MMP16: variants seen among roughly 807,000 people sequenced by gnomAD.
MMP16 encodes matrix metallopeptidase 16, also known as matrix metalloproteinase-16.
Under a neutral mutation model 67.8 loss-of-function variants are expected in MMP16, and 12 were observed. The ratio of observed to expected loss-of-function variants is 0.18; its 90% confidence interval spans 0.11 to 0.29. The LOEUF (loss-of-function observed/expected upper bound fraction) is 0.29. MMP16 is among the 10% of genes least tolerant of loss of function. MMP16 has a pLI of 1.00. For missense variants in MMP16, 475 were observed against 765.7 expected (o/e 0.62, Z 4.48); for synonymous variants, 249 against 255.9 (o/e 0.97, Z 0.26).
chr8:88,311,087 A>G (rs1811287350), intron 1 of MMP16, among the ~76,000 whole-genome samples: 1 of 152,188 alleles, frequency 6.6e-6, no homozygotes, highest in Non-Finnish European at 1.5e-5. Flanking sequence ...AATAAGAATA[A>G]GTTATTATAA....
At chr8:88,216,289 G>A (rs1036051551) in intron 1 of MMP16, among the ~76,000 whole-genome samples, 1 of 152,096 alleles carries the variant, frequency 6.6e-6, no homozygotes, top group Non-Finnish European at 1.5e-5. Flanking sequence ...TCATAAACTT[G>A]TAAAAATTGG....
intron 7 of MMP16, among the ~76,000 whole-genome samples, chr8:88,057,275 G>C (rs1264561606): frequency 6.6e-6 from 1 of 152,038 alleles, no homozygotes; most frequent in Admixed American, 6.6e-5. Context: ...CTAGGACTCT[G>C]TTCTCTGCTC....
chr8:88,275,603 C>T (rs1797664151), intron 1 of MMP16, among the ~76,000 whole-genome samples: 1 of 151,810 alleles, frequency 6.6e-6, no homozygotes, highest in African/African-American at 2.4e-5. Flanking sequence ...TGCATACCTA[C>T]ATTATAAATA....
At chr8:88,264,376 A>T (rs896314395) in intron 1 of MMP16, among the ~76,000 whole-genome samples, 4 of 151,980 alleles carry the variant, frequency 2.6e-5, no homozygotes, top group African/African-American at 9.7e-5. Context: ...ATTTTTAAAA[A>T]TTTTTTTAGA....
intron 1 of MMP16, among the ~76,000 whole-genome samples, chr8:88,264,834 C>A (rs1031013072): frequency 6.6e-6 from 1 of 152,198 alleles, no homozygotes; most frequent in African/African-American, 2.4e-5. Flanking sequence ...AACAATATGG[C>A]ATATCTCAAA....
At chr8:88,111,341 T>C (rs1809333162) in intron 6 of MMP16, among the ~76,000 whole-genome samples, 1 of 151,682 alleles carries the variant, frequency 6.6e-6, no homozygotes, top group African/African-American at 2.4e-5. Flanking sequence ...GAAACGACAG[T>C]CTGGACAGAA....
chr8:88,220,770 C>T (rs1166052841), intron 1 of MMP16, among the ~76,000 whole-genome samples: 2 of 152,078 alleles, frequency 1.3e-5, no homozygotes, highest in Non-Finnish European at 2.9e-5. Context: ...GCTTGTAGTG[C>T]TCTGTTCCAC....
intron 4 of MMP16, among the ~76,000 whole-genome samples, chr8:88,164,394 C>G (rs76199989): frequency 2.7e-4 from 41 of 152,050 alleles, no homozygotes; most frequent in African/African-American, 8.9e-4. Context: ...TAGTTAGAAT[C>G]GAGGATGTAC....
chr8:88,326,958 G>A lies in MMP16; in HGVS notation c.132+117C>T. ...GAACCAGGGTCTCCACAGCTGGAAGGGAAACAACGTGCTGGGACCCAGGCT... is the reference window on the plus strand; with the variant it reads ...GAACCAGGGTCTCCACAGCTGGAAGAGAAACAACGTGCTGGGACCCAGGCT... On this transcript the variant is annotated intron_variant, in intron 1 of 9. Transcript: ENST00000286614. 2.9e-6 allele frequency: 4 copies of A among 1,367,994 alleles called. No individual in the cohort carries two copies. The South Asian group carries it at 5.1e-5, about 18-fold the overall frequency. The allele number at this position is 1,367,994 out of a possible 1,614,324, so 84.7% of individuals were successfully genotyped here. A position where few individuals can be genotyped will look rare whatever the true frequency, so the allele number is the denominator to read the frequency against.
chr8:88,306,788 TAAG>T (rs1563590779), intron 1 of MMP16, among the ~76,000 whole-genome samples: 1 of 151,986 alleles, frequency 6.6e-6, no homozygotes. Context: ...TGTAAAATAA[TAAG>T]AGCCATATAT....
At chr8:88,297,962 C>T (rs532384727) in intron 1 of MMP16, among the ~76,000 whole-genome samples, 10 of 152,226 alleles carry the variant, frequency 6.6e-5, no homozygotes, top group African/African-American at 2.4e-4. Context: ...AAATTCAATG[C>T]AACCAAGCAT....
intron 6 of MMP16, among the ~76,000 whole-genome samples, chr8:88,085,417 T>C (rs1415162275): frequency 6.6e-6 from 1 of 152,028 alleles, no homozygotes; most frequent in Non-Finnish European, 1.5e-5. Context: ...ACTAAGACAG[T>C]CGTGAATGTC....
At chr8:88,098,485 A>G (rs1044226917) in intron 6 of MMP16, among the ~76,000 whole-genome samples, 2 of 151,988 alleles carry the variant, frequency 1.3e-5, no homozygotes, top group East Asian at 1.9e-4. Flanking sequence ...TCCCTAAACA[A>G]ACAGACTGTA....
intron 6 of MMP16, among the ~76,000 whole-genome samples, chr8:88,092,351 C>T (rs1159101629): frequency 2.6e-5 from 4 of 151,852 alleles, no homozygotes; most frequent in East Asian, 3.9e-4. Context: ...TCTGTTTAAA[C>T]CTCAGCTAAA....
intron 4 of MMP16, among the ~76,000 whole-genome samples, chr8:88,161,802 G>C (rs760546969): frequency 6.6e-6 from 1 of 151,930 alleles, no homozygotes; most frequent in Non-Finnish European, 1.5e-5. Flanking sequence ...CCTTCATTTC[G>C]TTATGCACCC....
chr8:88,228,127 A>G (rs1311034026), intron 1 of MMP16, among the ~76,000 whole-genome samples: 2 of 152,104 alleles, frequency 1.3e-5, no homozygotes, highest in Non-Finnish European at 2.9e-5. Flanking sequence ...ACAATCGTCA[A>G]TGCTAAAAAG....
At chr8:88,215,005 A>G (rs1407102432) in intron 1 of MMP16, among the ~76,000 whole-genome samples, 1 of 152,190 alleles carries the variant, frequency 6.6e-6, no homozygotes, top group African/African-American at 2.4e-5. Context: ...GACAAATTTC[A>G]TTATTGAATA....
At chr8:88,208,293 A>G (rs943091441) in intron 1 of MMP16, among the ~76,000 whole-genome samples, 1 of 152,204 alleles carries the variant, frequency 6.6e-6, no homozygotes, top group Non-Finnish European at 1.5e-5. Context: ...CTGCTACCCC[A>G]TAAGCCTTAA....
In MMP16 at chr8:88,307,747, C is replaced by T. The variant is rs187711685; in HGVS notation, c.132+19328G>A. Among the ~76,000 whole-genome samples the T allele has an allele frequency of 2.2e-4, 33 of 151,678 alleles. 2 individuals carry two copies. The highest frequency in any genetic ancestry group is 3.4e-3 in the Middle Eastern group (1 of 294). ...CAATTGTCTAGAATTAATAAGAGAA[C>T]AAAAAACAGAAAAGGAGGCAAAATT... On this transcript the variant is annotated intron_variant, in intron 1 of 9. Coordinates refer to ENST00000286614, the MANE Select transcript of MMP16 (RefSeq NM_005941.5).
Sources: allele counts gnomAD v4.1 joint callset (sites outside exome capture counted in the v4.1 genomes callset), GRCh38; gene constraint gnomAD v4.1.1; transcripts MANE v1.5; gene names NCBI Gene and HGNC (gene_info 2026-07-23, HGNC 2026-07-21).